Variants in PCDH11X observed in about 807,000 individuals in gnomAD.
PCDH11X encodes the protein protocadherin-11 X-linked.
Under a neutral mutation model 53.3 loss-of-function variants are expected in PCDH11X, and 18 were observed. The ratio of observed to expected loss-of-function variants is 0.34; its 90% confidence interval spans 0.23 to 0.50. PCDH11X has a LOEUF of 0.50. Among genes scored for constraint, PCDH11X ranks in the 20% least tolerant of loss-of-function variants. The pLI is 0.98. For missense variants in PCDH11X, 570 were observed against 1,032.4 expected (o/e 0.55, Z 6.14); for synonymous variants, 279 against 393.3 (o/e 0.71, Z 3.44).
intron 6 of PCDH11X, among the ~76,000 whole-genome samples, chrX:92,054,352 A>G (rs746776693): frequency 3.6e-5 from 4 of 111,873 alleles, no homozygotes; most frequent in Non-Finnish European, 7.5e-5. Context: ...GACCATGGAA[A>G]TGATATATTT....
intron 6 of PCDH11X, among the ~76,000 whole-genome samples, chrX:92,032,299 AG>A (rs1331112684): frequency 1.5e-4 from 17 of 111,537 alleles, no homozygotes; most frequent in African/African-American, 3.9e-4. Context: ...GCTAGCATAT[AG>A]AAATGCTACT....
intron 6 of PCDH11X, among the ~76,000 whole-genome samples, chrX:92,197,995 G>A (rs2066320168): frequency 9.0e-6 from 1 of 111,199 alleles, no homozygotes; most frequent in Non-Finnish European, 1.9e-5. Context: ...TTCAGAAATA[G>A]CATGATCTTA....
chrX:92,247,300 C>T (rs1156521918), intron 7 of PCDH11X, among the ~76,000 whole-genome samples: 1 of 111,470 alleles, frequency 9.0e-6, no homozygotes, highest in Non-Finnish European at 1.9e-5. Context: ...ACTTATTCAT[C>T]TCAACTCTCC....
At chrX:92,061,573 GT>G (rs2063524861) in intron 6 of PCDH11X, among the ~76,000 whole-genome samples, 1 of 108,913 alleles carries the variant, frequency 9.2e-6, no homozygotes, top group Non-Finnish European at 1.9e-5. Flanking sequence ...TCCATTGCTT[GT>G]TTTTGTCAAT....
chrX:92,075,289 A>T (rs2063758248), intron 6 of PCDH11X, among the ~76,000 whole-genome samples: 1 of 110,962 alleles, frequency 9.0e-6, no homozygotes, highest in African/African-American at 3.3e-5. Flanking sequence ...AGCTCATCTG[A>T]GGCTCTTGAA....
intron 10 of PCDH11X, among the ~76,000 whole-genome samples, chrX:92,616,628 A>G (rs1397507174): frequency 9.0e-6 from 1 of 111,204 alleles, no homozygotes; most frequent in African/African-American, 3.3e-5. Flanking sequence ...ATGATTAGGT[A>G]CGTGCTATAG....
chrX:92,284,706 TCA>T (rs61579561), intron 8 of PCDH11X, among the ~76,000 whole-genome samples: 43,699 of 110,716 alleles, frequency 0.39, 7,226 homozygotes, highest in Non-Finnish European at 0.53. Flanking sequence ...TGCCTACAAA[TCA>T]CAGTTTATTT....
At chrX:91,991,876 C>CT (rs1196978624) in intron 6 of PCDH11X, among the ~76,000 whole-genome samples, 1 of 106,656 alleles carries the variant, frequency 9.4e-6, no homozygotes, top group Non-Finnish European at 1.9e-5. Context: ...CGTTTTGTTT[C>CT]TTTGTCTATT....
At chrX:91,947,412 C>T (rs1335229540) in intron 6 of PCDH11X, among the ~76,000 whole-genome samples, 13 of 100,910 alleles carry the variant, frequency 1.3e-4, no homozygotes, top group African/African-American at 4.0e-4. Flanking sequence ...TGCATACATA[C>T]ACTGTACAAA....
At chrX:91,857,574 T>A (rs1938422844) in intron 5 of PCDH11X, among the ~76,000 whole-genome samples, 1 of 112,163 alleles carries the variant, frequency 8.9e-6, no homozygotes, top group Non-Finnish European at 1.9e-5. Context: ...ACAATGGGTG[T>A]ACAGGCATTG....
At chrX:91,844,161 C>T (rs1379043590) in intron 5 of PCDH11X, among the ~76,000 whole-genome samples, 1 of 111,463 alleles carries the variant, frequency 9.0e-6, no homozygotes, top group East Asian at 2.8e-4. Flanking sequence ...ATGCTTCATA[C>T]TCCTTAAAAA....
chrX:92,120,205 G>A (rs1260116838), intron 6 of PCDH11X, among the ~76,000 whole-genome samples: 2 of 97,522 alleles, frequency 2.1e-5, no homozygotes, highest in African/African-American at 7.8e-5. Flanking sequence ...CTGTCACCCC[G>A]GTTGGAGTGC....
intron 6 of PCDH11X, among the ~76,000 whole-genome samples, chrX:92,183,247 C>A (rs942830185): frequency 1.1e-5 from 1 of 93,541 alleles, no homozygotes; most frequent in African/African-American, 3.9e-5. Flanking sequence ...TCTAGAGAAA[C>A]CTTTTTTTTT....
At chrX:92,603,261 T>C (rs1926432207) in intron 10 of PCDH11X, among the ~76,000 whole-genome samples, 1 of 107,508 alleles carries the variant, frequency 9.3e-6, no homozygotes, top group Admixed American at 1.0e-4. Context: ...GAAAAAGGCA[T>C]ATATTCAGAT....
At chrX:91,918,644 CA>C (rs72245713) in intron 6 of PCDH11X, among the ~76,000 whole-genome samples, 19,447 of 106,861 alleles carry the variant, frequency 0.18, 1,318 homozygotes, top group East Asian at 0.24. Context: ...ATATTTACTG[CA>C]AAAAAAAATG....
At chrX:91,973,440 A>T in intron 6 of PCDH11X, among the ~76,000 whole-genome samples, 1 of 98,748 alleles carries the variant, frequency 1.0e-5, no homozygotes, top group Admixed American at 1.2e-4. Flanking sequence ...AAGTATAATA[A>T]AAAAAAAAAA....
chrX:92,283,974 A>C, intron 8 of PCDH11X, among the ~76,000 whole-genome samples: 1 of 110,641 alleles, frequency 9.0e-6, no homozygotes, highest in Non-Finnish European at 1.9e-5. Flanking sequence ...TAGTTGACAA[A>C]ATTATCCAGG....
chrX:91,960,431 T>C (rs2061771241), intron 6 of PCDH11X, among the ~76,000 whole-genome samples: 2 of 110,765 alleles, frequency 1.8e-5, no homozygotes, highest in African/African-American at 3.3e-5. Flanking sequence ...TTGTTTGTTG[T>C]TGTTGTTGTT....
At position 92,036,646 on chromosome X, in the gene PCDH11X, C is replaced by T. The variant is rs1305337702; in HGVS notation, c.3033+157373C>T. On this transcript the variant is annotated intron_variant, in intron 6 of 10. Transcript: ENST00000682573. The stretch of plus-strand genomic sequence containing the variant: ...TGGGTATGTCTTTATCATACCCAAG[C>T]ATGAAAATGGACTAATACAGTAAAT... Among the ~76,000 whole-genome samples the T allele has an allele frequency of 2.8e-5, 3 of 108,762 alleles. No individual in the cohort carries two copies. In the Admixed American group the frequency reaches 3.0e-4, roughly 11 times the overall value. The allele number at this position is 108,762 out of a possible 115,157, so 94.4% of individuals were successfully genotyped here. A position where few individuals can be genotyped will look rare whatever the true frequency, so the allele number is the denominator to read the frequency against.
Sources: allele counts gnomAD v4.1 joint callset (sites outside exome capture counted in the v4.1 genomes callset), GRCh38; gene constraint gnomAD v4.1.1; transcripts MANE v1.5; gene names NCBI Gene and HGNC (gene_info 2026-07-23, HGNC 2026-07-21).